Variants in RYR3 observed in about 807,000 individuals in gnomAD.
RYR3 encodes brain ryanodine receptor-calcium release channel.
RYR3 carries 207 observed loss-of-function variants against 584.3 expected under a neutral mutation model. The observed-to-expected ratio is 0.35, with a 90% CI of 0.32 to 0.40. The LOEUF is 0.40. Ranked by LOEUF, RYR3 falls within the 10% of genes least tolerant of loss-of-function variation. The probability of loss-of-function intolerance (pLI) is 1.00; values close to 1 mark genes in which losing one functional copy is unlikely to be tolerated. For missense variants in RYR3, 5,616 were observed against 6,089.2 expected (o/e 0.92, Z 2.59); for synonymous variants, 2,416 against 2,248.5 (o/e 1.07, Z -2.11).
intron 46 of RYR3, among the ~76,000 whole-genome samples, chr15:33,728,274 G>A (rs951288410): frequency 2.6e-5 from 4 of 152,120 alleles, no homozygotes; most frequent in African/African-American, 9.7e-5. Flanking sequence ...AAATGGACAT[G>A]GCACACCATT....
At chr15:33,351,711 C>T (rs564035837) in intron 1 of RYR3, among the ~76,000 whole-genome samples, 25 of 150,296 alleles carry the variant, frequency 1.7e-4, no homozygotes, top group African/African-American at 5.9e-4. Context: ...ATTCAACAAC[C>T]CTTCATGCTA....
At chr15:33,837,063 T>C in intron 88 of RYR3, 76 bp downstream of exon 88, 1 of 1,202,166 alleles carries the variant, frequency 8.3e-7, no homozygotes, top group Non-Finnish European at 1.2e-6. Flanking sequence ...ATCATGCAGA[T>C]TATCCTTCTG....
At chr15:33,855,347 G>C (rs1211874738) in intron 98 of RYR3, among the ~76,000 whole-genome samples, 1 of 152,206 alleles carries the variant, frequency 6.6e-6, no homozygotes, top group African/African-American at 2.4e-5. Context: ...GGGATTACAG[G>C]CACATGCCAC....
chr15:33,853,604 T>C lies in RYR3; in HGVS notation c.13721T>C (p.Leu4574Pro). ...DLYGAERIAE[L>P]LGLDKNALDF... ...TACGGAGCAGAACGCATTGCTGAACTTCTGGGTTTGGACAAAAATGCTCTT... is the reference window on the plus strand; with the variant it reads ...TACGGAGCAGAACGCATTGCTGAACCTCTGGGTTTGGACAAAAATGCTCTT... The change falls in exon 96 of 104, where the codon CTT becomes CCT. Residue 4574 changes from leucine (L) to proline (P), a missense_variant. Leu to Pro is a moderately conservative substitution (Grantham distance 98). This residue lies in a region of RYR3 where 918 missense variants were observed against 887.4 expected (regional missense o/e 1.03). Coordinates refer to ENST00000634891, the MANE Select transcript of RYR3 (RefSeq NM_001036.6). 6.2e-7 allele frequency: 1 copy of C among 1,614,002 alleles called. No homozygotes were observed. The highest frequency in any genetic ancestry group is 1.3e-5 in the African/African-American group (1 of 75,046).
At chr15:33,406,084 G>A (rs1470137737) in intron 1 of RYR3, among the ~76,000 whole-genome samples, 1 of 152,238 alleles carries the variant, frequency 6.6e-6, no homozygotes, top group African/African-American at 2.4e-5. Flanking sequence ...GATCCAGTCT[G>A]AGTTACCTGC....
chr15:33,400,538 G>C (rs1165313004), intron 1 of RYR3, among the ~76,000 whole-genome samples: 1 of 152,218 alleles, frequency 6.6e-6, no homozygotes, highest in Non-Finnish European at 1.5e-5. Context: ...GAAAGCTGCA[G>C]AGGGCTGAGT....
chr15:33,481,183 T>C (rs2049928948), intron 2 of RYR3, among the ~76,000 whole-genome samples: 1 of 152,220 alleles, frequency 6.6e-6, no homozygotes, highest in Non-Finnish European at 1.5e-5. Context: ...TTTTACCTTA[T>C]GTATGTATTT....
chr15:33,794,321 ATTT>A, intron 67 of RYR3, among the ~76,000 whole-genome samples: 1 of 136,580 alleles, frequency 7.3e-6, no homozygotes, highest in East Asian at 2.1e-4. Context: ...ATATATATAT[ATTT>A]TTATATATGT....
intron 18 of RYR3, among the ~76,000 whole-genome samples, chr15:33,604,473 C>T (rs2059814683): frequency 6.6e-6 from 1 of 152,146 alleles, no homozygotes; most frequent in Non-Finnish European, 1.5e-5. Context: ...TTGCATTCAG[C>T]TTCAACACTT....
At chr15:33,468,759 A>G (rs947221816) in intron 1 of RYR3, among the ~76,000 whole-genome samples, 2 of 152,210 alleles carry the variant, frequency 1.3e-5, no homozygotes, top group East Asian at 1.9e-4. Context: ...CAGATACCAC[A>G]GTGGTGAGTA....
chr15:33,478,923 C>T (rs551296694), intron 2 of RYR3, among the ~76,000 whole-genome samples: 149 of 152,178 alleles, frequency 9.8e-4, no homozygotes, highest in Middle Eastern at 6.8e-3. Context: ...ACCTTAGTGC[C>T]CTTTAAAAAG....
intron 1 of RYR3, among the ~76,000 whole-genome samples, chr15:33,373,695 T>C (rs1287916032): frequency 6.6e-6 from 1 of 152,238 alleles, no homozygotes; most frequent in Non-Finnish European, 1.5e-5. Context: ...GTGTTTTAAA[T>C]TGTATGTAAT....
chr15:33,664,141 A>G (rs1197636058), intron 36 of RYR3, among the ~76,000 whole-genome samples: 3 of 152,126 alleles, frequency 2.0e-5, no homozygotes, highest in African/African-American at 7.2e-5. Flanking sequence ...ACCTGCCCCT[A>G]CTTATGAGAG....
At chr15:33,590,834 C>T (rs2059096104) in intron 16 of RYR3, among the ~76,000 whole-genome samples, 2 of 152,114 alleles carry the variant, frequency 1.3e-5, no homozygotes, top group African/African-American at 2.4e-5. Context: ...CTGTACCTTG[C>T]CACTTCCAAT....
chr15:33,760,367 T>G (rs925341871), intron 60 of RYR3, among the ~76,000 whole-genome samples: 2 of 151,438 alleles, frequency 1.3e-5, no homozygotes, highest in African/African-American at 2.4e-5. Flanking sequence ...CCATCTCAAG[T>G]GCAAAGACAC....
At chr15:33,582,516 G>T (rs2152517816) in intron 14 of RYR3, among the ~76,000 whole-genome samples, 1 of 152,326 alleles carries the variant, frequency 6.6e-6, no homozygotes, top group South Asian at 2.1e-4. Flanking sequence ...CAGTAGGCAT[G>T]ATTTTAACAA....
At chr15:33,592,763 C>G (rs1338086976) in intron 16 of RYR3, among the ~76,000 whole-genome samples, 4 of 152,194 alleles carry the variant, frequency 2.6e-5, no homozygotes, top group Non-Finnish European at 5.9e-5. Flanking sequence ...TATCTGCACT[C>G]CCTTTTCTTT....
chr15:33,510,114 T>G (rs2052846001), intron 3 of RYR3, among the ~76,000 whole-genome samples: 2 of 152,230 alleles, frequency 1.3e-5, no homozygotes, highest in Non-Finnish European at 2.9e-5. Context: ...ACCTGCGCTT[T>G]AAAAGCTGCC....
chr15:33,539,121 C>G (rs1196824082), intron 5 of RYR3: 1 of 354,410 alleles, frequency 2.8e-6, no homozygotes, highest in Non-Finnish European at 5.2e-6. Flanking sequence ...TCCAATACTC[C>G]TTTCCATACA....
Sources: allele counts gnomAD v4.1 joint callset (sites outside exome capture counted in the v4.1 genomes callset), GRCh38; gene constraint gnomAD v4.1.1; regional missense constraint gnomAD v4.1.1; transcripts MANE v1.5; gene names NCBI Gene and HGNC (gene_info 2026-07-23, HGNC 2026-07-21).